Variants in CROCC2 observed in about 807,000 individuals in gnomAD.
The protein encoded by CROCC2 is ciliary rootlet coiled-coil, rootletin family member 2, also known as ciliary rootlet coiled-coil protein 2.
A neutral mutation model predicts 177.6 loss-of-function variants in CROCC2; 163 were observed. The ratio of observed to expected loss-of-function variants is 0.92; its 90% CI spans 0.81 to 1.05. The LOEUF (loss-of-function observed/expected upper bound fraction) is 1.05. Ranked by LOEUF, CROCC2 falls within the 50% of genes least tolerant of loss-of-function variation. The pLI is 0.00. For missense variants in CROCC2, 1,929 were observed against 1,797.8 expected (o/e 1.07, Z -1.32); for synonymous variants, 904 against 787.3 (o/e 1.15, Z -2.48).
At chr2:240,974,906 GTGTT>G (rs1384692272) in intron 27 of CROCC2, among the ~76,000 whole-genome samples, 1 of 152,136 alleles carries the variant, frequency 6.6e-6, no homozygotes, top group Non-Finnish European at 1.5e-5. Flanking sequence ...GCATGAGTGT[GTGTT>G]TGTGCCACTT....
At chr2:240,965,172 G>C (rs533533531) in intron 22 of CROCC2, among the ~76,000 whole-genome samples, 6 of 152,320 alleles carry the variant, frequency 3.9e-5, no homozygotes, top group Middle Eastern at 3.4e-3. Context: ...CCTCCAAGGA[G>C]GTTCCGAGGA....
intron 19 of CROCC2, among the ~76,000 whole-genome samples, chr2:240,956,846 G>C (rs1380003417): frequency 6.6e-6 from 1 of 152,238 alleles, no homozygotes; most frequent in Non-Finnish European, 1.5e-5. Flanking sequence ...GGGAGATGAA[G>C]AGACTGGGCA....
chr2:240,935,284 G>A (rs2059461077), intron 13 of CROCC2, 74 bp from the exon 14 acceptor site: 2 of 1,294,568 alleles, frequency 1.5e-6, no homozygotes, highest in East Asian at 6.1e-5. Context: ...CCCGGGGCAG[G>A]CCTTGGGGAT....
In CROCC2 at chr2:240,968,222, C is replaced by T. The variant is rs376870389; in HGVS notation, c.4361C>T (p.Ala1454Val). 5.9e-6 allele frequency: 9 copies of T among 1,533,068 alleles called. No homozygotes were observed. The highest frequency in any genetic ancestry group is 2.4e-5 in the East Asian group (1 of 40,866). The allele number at this position is 1,533,068 out of a possible 1,614,324, so 95.0% of individuals were successfully genotyped here. Residue 1454 changes from alanine to valine, a missense_variant, in exon 27 of 32, where the codon GCG becomes GTG. This residue lies in a region of CROCC2 where 388 missense variants were observed against 352.7 expected (regional missense o/e 1.10). Coordinates refer to ENST00000690015, the MANE Select transcript of CROCC2 (RefSeq NM_001351305.2). ...ALRRLELEHL[A>V]SVRAAGQEKR... is the part of the protein sequence containing the mutation. ...CGCAGGCTGGAGTTGGAGCACCTGG[C>T]GAGCGTGCGTGCGGCAGGCCAGGAG...
At chr2:240,906,738 C>T (rs1039111997) in intron 1 of CROCC2, 147 bp downstream of exon 1, 17 of 396,834 alleles carry the variant, frequency 4.3e-5, no homozygotes, top group Non-Finnish European at 6.7e-5. Flanking sequence ...TTGCCTTGAG[C>T]GTGCAGCCAG....
intron 22 of CROCC2, among the ~76,000 whole-genome samples, chr2:240,964,964 G>A (rs529359614): frequency 3.9e-5 from 6 of 152,222 alleles, no homozygotes; most frequent in East Asian, 1.9e-4. Flanking sequence ...TTCCGGTGGC[G>A]CTCGGGAACT....
chr2:240,919,207 G>C (rs1022892932), intron 2 of CROCC2, among the ~76,000 whole-genome samples: 11 of 151,846 alleles, frequency 7.2e-5, no homozygotes, highest in Non-Finnish European at 1.5e-4. Context: ...CCTGGGGCTG[G>C]CCTCACCCCC....
Position 240,918,906 on chromosome 2 carries a change from G to A in CROCC2, c.229+30G>A, listed in dbSNP as rs756708636. 228 of 676,296 alleles carry A rather than the reference G, an allele frequency of 3.4e-4. 2 individuals are homozygous for A. The highest frequency in any genetic ancestry group is 3.2e-3 in the Middle Eastern group (9 of 2,836). 41.9% of individuals were successfully genotyped at this position (676,296 alleles called of 1,614,324 possible). On this transcript the variant is annotated intron_variant, in intron 2 of 31. Coordinates refer to ENST00000690015, the MANE Select transcript of CROCC2 (RefSeq NM_001351305.2). This position sits in a 1 kb window ranked among gnomAD's most constrained non-coding sequence, Gnocchi z 6.3. ...TGGTGTGGGGGACAGTCCTGGGCCC[G>A]GGGCTGGCCAAGGTGACGGCGTGGG...
intron 29 of CROCC2, 119 bp downstream of exon 29, chr2:240,988,989 C>T (rs2059858864): frequency 1.1e-5 from 12 of 1,092,920 alleles, no homozygotes; most frequent in Non-Finnish European, 1.4e-5. Context: ...CACGTGCACA[C>T]ATGGGGAGGG....
chr2:240,940,361 CTACTTTTT>C (rs2059488997), intron 14 of CROCC2, among the ~76,000 whole-genome samples: 1 of 151,954 alleles, frequency 6.6e-6, no homozygotes, highest in Admixed American at 6.6e-5. Context: ...TTTTTGATAT[CTACTTTTT>C]TGATATCTAC....
rs915871114 is a variant in CROCC2, at chr2:240,973,791, GATTT to G, written c.4401+5534_4401+5537del. Among the ~76,000 whole-genome samples the G allele has an allele frequency of 6.6e-6, 1 of 152,246 alleles. No individual in the cohort carries two copies. The highest frequency in any genetic ancestry group is 2.4e-5 in the African/African-American group (1 of 41,462). The stretch of plus-strand genomic sequence containing the variant: ...TTCCTTTATGGTGACATAGTTTTCA[GATTT>G]ATTTGTGTTAAGAAAATTGTATTAT... On this transcript the variant is annotated intron_variant, in intron 27 of 31. Coordinates refer to ENST00000690015, the MANE Select transcript of CROCC2 (RefSeq NM_001351305.2). This position sits in a 1 kb window ranked among gnomAD's most constrained non-coding sequence, Gnocchi z 4.7.
Position 240,963,648 on chromosome 2 carries a change from G to C in CROCC2, c.3180G>C (p.Gly1060=), listed in dbSNP as rs1172402282. Residue 1060 remains glycine, a synonymous_variant, in exon 21 of 32, where the codon GGG becomes GGC. Transcript: ENST00000690015. ...ELQGVEESRE[G]LHREAQEARR... is the part of the protein sequence containing the mutation. ...AGGGCGTCGAGGAGAGCCGGGAGGGGCTGCACAGGGAGGCCCAGGAGGCCC... is the reference window on the plus strand; with the variant it reads ...AGGGCGTCGAGGAGAGCCGGGAGGGCCTGCACAGGGAGGCCCAGGAGGCCC... 1.1e-5 allele frequency: 17 copies of C among 1,549,920 alleles called. No homozygotes were observed. In the South Asian group the frequency reaches 1.8e-4, roughly 16 times the overall value.
At position 240,983,747 on chromosome 2, in the gene CROCC2, A is replaced by G. The variant is rs544900469; in HGVS notation, c.4551+718A>G. The G allele has an allele frequency of 1.4e-5, 9 of 637,550 alleles. No homozygotes were observed. In the African/African-American group the frequency reaches 1.8e-4, roughly 13 times the overall value. The allele number at this position is 637,550 out of a possible 1,614,324, so 39.5% of individuals were successfully genotyped here. On this transcript the variant is annotated intron_variant, in intron 28 of 31. Coordinates refer to ENST00000690015, the MANE Select transcript of CROCC2 (RefSeq NM_001351305.2). ...GCCCGCAGGTGGCCACAGCCCTGCC[A>G]GTGGTGTCGTGTGCGCCCTGCCTTG... is the stretch of plus-strand genomic sequence containing the variant.
At position 240,965,569 on chromosome 2, in the gene CROCC2, AGAGGGAG is replaced by A. The variant is rs2059676231; in HGVS notation, c.3603+56_3604-56del. ...GGGAAGGAGCTGGGCGTCGGGGAGC[AGAGGGAG>A]GAGGCCCACCCCACTTCCTCACTGT... is the stretch of plus-strand genomic sequence containing the variant. On this transcript the variant is annotated intron_variant, in intron 23 of 31. Transcript: ENST00000690015. 14 of 1,549,532 alleles carry A rather than the reference AGAGGGAG, an allele frequency of 9.0e-6. No homozygotes were observed. In the South Asian group the frequency reaches 1.7e-4, roughly 18 times the overall value.
chr2:240,951,034 T>TCCAC (rs924246549), intron 18 of CROCC2: 2 of 153,488 alleles, frequency 1.3e-5, no homozygotes, highest in African/African-American at 4.9e-5. Context: ...CATCCATCCA[T>TCCAC]CCACCCATCC....
intron 27 of CROCC2, 104 bp downstream of exon 27, chr2:240,968,366 AG>A: frequency 7.4e-7 from 1 of 1,359,234 alleles, no homozygotes; most frequent in Non-Finnish European, 9.7e-7. Context: ...GGTGGGAGAG[AG>A]GGGTCTGCAA....
intron 14 of CROCC2, among the ~76,000 whole-genome samples, chr2:240,937,075 C>T (rs937150889): frequency 2.0e-5 from 3 of 152,184 alleles, no homozygotes; most frequent in East Asian, 1.9e-4. Flanking sequence ...AGCAGCTTTC[C>T]GAAAAAGCAG....
rs986739507 is a variant in CROCC2, at chr2:240,960,352, C to T, written c.3087+908C>T. 2.0e-5 allele frequency among the ~76,000 whole-genome samples: 3 copies of T among 152,048 alleles called. No homozygotes were observed. Among genetic ancestry groups the T allele is most frequent in the South Asian group, 4.1e-4 (2 of 4,822 alleles). On this transcript the variant is annotated intron_variant, in intron 20 of 31. Coordinates refer to ENST00000690015, the MANE Select transcript of CROCC2 (RefSeq NM_001351305.2). The surrounding 1 kb of genome is among the most constrained non-coding windows in gnomAD (Gnocchi z 5.0). ...GTGTGCCTGGGCCTGGCCAAGGGCC[C>T]GAGGTTGACACGGAGGCCCCCAGGA...
intron 31 of CROCC2, among the ~76,000 whole-genome samples, chr2:240,992,045 T>G (rs1047913609): frequency 2.0e-5 from 3 of 152,198 alleles, no homozygotes; most frequent in Non-Finnish European, 4.4e-5. Context: ...GAGCCTCCCA[T>G]GTTCCCGGCC....
Sources: gnomAD v4.1 joint callset for allele counts (sites outside exome capture counted in the v4.1 genomes callset) on GRCh38, gnomAD v4.1.1 for gene constraint, gnomAD v4.1.1 regional missense constraint, Gnocchi (gnomAD v3.1) non-coding constraint, MANE v1.5 for transcripts, NCBI Gene and HGNC (gene_info 2026-07-23, HGNC 2026-07-21) for gene names.